Variants in CSE1L observed in about 807,000 individuals in gnomAD.
CSE1L encodes exportin-2.
In CSE1L, 24 loss-of-function variants were observed where a neutral mutation model predicts 120.4. That is an observed-to-expected ratio of 0.20 (90% confidence interval 0.14 to 0.28). The LOEUF (loss-of-function observed/expected upper bound fraction) is 0.28, where lower values mean the gene tolerates loss of function less well. CSE1L is among the 10% of genes least tolerant of loss of function. The pLI is 1.00. For synonymous variants in CSE1L, 402 were observed against 398.3 expected (o/e 1.01, Z -0.11); for missense variants, 830 against 1,145.2 (o/e 0.72, Z 3.97).
rs2092105854 is a variant in CSE1L at position 49,092,032 on chromosome 20, T to C, written c.2366-14T>C. On this transcript the variant is annotated splice_polypyrimidine_tract_variant and intron_variant, in intron 21 of 24. Transcript: ENST00000262982. ...GAGTTCTCTATGCTGATATTCTGCA[T>C]CTTCTTTCAACAGGTTTTTTAGTCT... The C allele has an allele frequency of 2.8e-6, 4 of 1,444,284 alleles. No individual in the cohort carries two copies. Among genetic ancestry groups the C allele is most frequent in the Non-Finnish European group, 3.9e-6 (4 of 1,035,924 alleles). 89.5% of individuals were successfully genotyped at this position (1,444,284 alleles called of 1,614,324 possible).
intron 17 of CSE1L, among the ~76,000 whole-genome samples, chr20:49,089,014 C>T (rs144105538): frequency 7.2e-5 from 11 of 152,158 alleles, no homozygotes; most frequent in Admixed American, 6.6e-4. Context: ...AGACAAGTTA[C>T]AGCTCTGGGA....
chr20:49,086,544 T>C (rs1343586016), intron 16 of CSE1L, among the ~76,000 whole-genome samples: 1 of 151,886 alleles, frequency 6.6e-6, no homozygotes, highest in African/African-American at 2.4e-5. Context: ...TTTGTATTTT[T>C]AGTAGAGACA....
At chr20:49,079,348 T>A (rs2091992771) in intron 14 of CSE1L, among the ~76,000 whole-genome samples, 1 of 152,130 alleles carries the variant, frequency 6.6e-6, no homozygotes, top group Non-Finnish European at 1.5e-5. Flanking sequence ...TGCCTCGGCC[T>A]CCCTAGTAGC....
intron 12 of CSE1L, among the ~76,000 whole-genome samples, chr20:49,076,508 G>GT (rs1357214346): frequency 1.7e-4 from 23 of 132,702 alleles, no homozygotes; most frequent in East Asian, 4.7e-4. Flanking sequence ...GTTTTGAAGT[G>GT]TCCCTCTCTC....
chr20:49,059,363 G>T (rs1040358457), intron 2 of CSE1L, among the ~76,000 whole-genome samples: 1 of 151,904 alleles, frequency 6.6e-6, no homozygotes, highest in Non-Finnish European at 1.5e-5. Flanking sequence ...TTGAACTCAG[G>T]TGTTCACAGG....
At chr20:49,085,562 ATTTTTT>A (rs11471947) in intron 16 of CSE1L, among the ~76,000 whole-genome samples, 176 bp downstream of exon 16, 17 of 80,252 alleles carry the variant, frequency 2.1e-4, no homozygotes, top group Admixed American at 1.6e-3. Context: ...ACTAACAATA[ATTTTTT>A]TTTTTTTTTT....
chr20:49,051,980 G>A (rs1261074952), intron 1 of CSE1L, among the ~76,000 whole-genome samples: 1 of 152,230 alleles, frequency 6.6e-6, no homozygotes, highest in Admixed American at 6.5e-5. Context: ...ACAGGCATGA[G>A]CCATTCTGCC....
chr20:49,068,805 T>A lies in CSE1L; in HGVS notation c.658T>A (p.Tyr220Asn). 6.2e-7 allele frequency: 1 copy of A among 1,609,906 alleles called. No individual in the cohort carries two copies. The highest frequency in any genetic ancestry group is 8.5e-7 in the Non-Finnish European group (1 of 1,176,060). ...CCTGATCCTGATCTCAAAATTGTTC[T>A]ATAGTTTAAACTTTCAGGTAAGTTC... Reference protein sequence around the residue: ...SSLILISKLFYSLNFQDLPEF... With the variant: ...SSLILISKLFNSLNFQDLPEF... Residue 220 changes from tyrosine (Y) to asparagine (N), a missense_variant, in exon 7 of 25, where the codon TAT (tyrosine) becomes AAT (asparagine). Coordinates refer to ENST00000262982, the MANE Select transcript of CSE1L (RefSeq NM_001316.4).
intron 14 of CSE1L, among the ~76,000 whole-genome samples, chr20:49,080,757 T>C (rs1443339854): frequency 6.6e-6 from 1 of 152,136 alleles, no homozygotes; most frequent in Non-Finnish European, 1.5e-5. Context: ...ATTACAGGCA[T>C]GAGCCACCGC....
chr20:49,050,895 A>G (rs1283815401), intron 1 of CSE1L, among the ~76,000 whole-genome samples: 2 of 152,054 alleles, frequency 1.3e-5, no homozygotes, highest in African/African-American at 4.8e-5. Flanking sequence ...GGTTGTGTCC[A>G]CCTCTTTCTG....
rs371486870 is a variant in CSE1L at position 49,059,100 on chromosome 20, C to T, written c.85+552C>T. ...GAGCCGAGATTGCGCCACTGCACTC[C>T]AGCCTGGGCGACAGAGCAAGACTCC... On this transcript the variant is annotated intron_variant, in intron 2 of 24. Coordinates refer to ENST00000262982, the MANE Select transcript of CSE1L (RefSeq NM_001316.4). Among the ~76,000 whole-genome samples the T allele has an allele frequency of 1.5e-3, 231 of 149,328 alleles. 1 individual carries two copies. The Middle Eastern group carries it at 0.025, about 16-fold the overall frequency.
intron 10 of CSE1L, 118 bp from the exon 11 acceptor site, chr20:49,074,667 A>G (rs1216110941): frequency 1.5e-6 from 1 of 681,650 alleles, no homozygotes; most frequent in East Asian, 2.9e-5. Context: ...TAGTCATCTG[A>G]TGGGAACGAA....
intron 8 of CSE1L, among the ~76,000 whole-genome samples, chr20:49,071,890 C>A (rs1327898320): frequency 6.6e-6 from 1 of 151,666 alleles, no homozygotes. Context: ...ATGACGTGAA[C>A]CCAGGAGGCG....
At chr20:49,093,832 G>C (rs371666092) in intron 22 of CSE1L, among the ~76,000 whole-genome samples, 1 of 151,668 alleles carries the variant, frequency 6.6e-6, no homozygotes, top group African/African-American at 2.4e-5. Flanking sequence ...CAGGCAAATT[G>C]CTTGAACCCA....
chr20:49,080,868 T>G (rs1011427533), intron 14 of CSE1L, among the ~76,000 whole-genome samples: 2 of 152,192 alleles, frequency 1.3e-5, no homozygotes, highest in Non-Finnish European at 2.9e-5. Context: ...CTTAAACTTG[T>G]AGGCTCAAGT....
intron 3 of CSE1L, among the ~76,000 whole-genome samples, chr20:49,063,948 A>G (rs184935252): frequency 5.3e-5 from 8 of 152,352 alleles, no homozygotes; most frequent in African/African-American, 1.9e-4. Context: ...AACAGGTTTA[A>G]TGATTAGTAA....
chr20:49,087,585 C>T lies in CSE1L; in HGVS notation c.1724-424C>T, dbSNP rs528477334. 8.6e-5 allele frequency among the ~76,000 whole-genome samples: 13 copies of T among 152,018 alleles called. No individual in the cohort carries two copies. In the East Asian group the frequency reaches 2.5e-3, roughly 29 times the overall value. ...TAGCCAGGTTGGTCTCAGACTCTAG[C>T]CTCAAGTGATCCGCCAGCCTCGGCC... is the stretch of plus-strand genomic sequence containing the variant. On this transcript the variant is annotated intron_variant, in intron 16 of 24. Coordinates refer to ENST00000262982, the MANE Select transcript of CSE1L (RefSeq NM_001316.4).
intron 3 of CSE1L, among the ~76,000 whole-genome samples, chr20:49,064,555 C>A (rs1223788146): frequency 2.0e-5 from 3 of 151,918 alleles, no homozygotes; most frequent in Non-Finnish European, 4.4e-5. Flanking sequence ...CCAAAAAATA[C>A]AAAAATTAGC....
At chr20:49,077,153 C>CTT (rs11439721) in intron 13 of CSE1L, 89 bp downstream of exon 13, 45,467 of 397,286 alleles carry the variant, frequency 0.11, 827 homozygotes, top group Non-Finnish European at 0.12. Context: ...CCCTTTTGTT[C>CTT]TTTTTTTTTT....
Sources: allele counts gnomAD v4.1 joint callset (sites outside exome capture counted in the v4.1 genomes callset), GRCh38; gene constraint gnomAD v4.1.1; transcripts MANE v1.5; gene names NCBI Gene and HGNC (gene_info 2026-07-23, HGNC 2026-07-21).